The following PLXDC2 variants were observed in gnomAD, a reference collection of about 807,000 sequenced individuals.
The protein encoded by PLXDC2 is plexin domain containing 2.
In PLXDC2, 40 loss-of-function variants were observed where a neutral mutation model predicts 68.9. The observed-to-expected ratio is 0.58, with a 90% confidence interval of 0.45 to 0.76. The LOEUF (loss-of-function observed/expected upper bound fraction) is 0.76, where lower values mean the gene tolerates loss of function less well. Among genes scored for constraint, PLXDC2 ranks in the 30% least tolerant of loss-of-function variants. The probability of loss-of-function intolerance (pLI) is 0.00; values close to 1 mark genes in which losing one functional copy is unlikely to be tolerated. For missense variants in PLXDC2, 644 were observed against 661.9 expected (o/e 0.97, Z 0.30); for synonymous variants, 243 against 234.2 (o/e 1.04, Z -0.34).
At chr10:19,964,732 T>A (rs1261987650) in intron 1 of PLXDC2, among the ~76,000 whole-genome samples, 2 of 151,344 alleles carry the variant, frequency 1.3e-5, no homozygotes, top group Non-Finnish European at 2.9e-5. Context: ...GCAGGCACCA[T>A]TTGTTTTTGT....
chr10:20,009,987 G>A (rs1052535420), intron 2 of PLXDC2, among the ~76,000 whole-genome samples: 22 of 152,100 alleles, frequency 1.4e-4, no homozygotes, highest in Non-Finnish European at 2.8e-4. Context: ...TGAGATAGTG[G>A]TTAGGGGAAA....
chr10:20,204,194 G>T (rs1834959428), intron 9 of PLXDC2, among the ~76,000 whole-genome samples: 1 of 152,098 alleles, frequency 6.6e-6, no homozygotes, highest in African/African-American at 2.4e-5. Flanking sequence ...TGGGAAATGA[G>T]ATAGGATTTT....
intron 4 of PLXDC2, among the ~76,000 whole-genome samples, chr10:20,097,527 T>A (rs944384198): frequency 6.6e-6 from 1 of 152,248 alleles, no homozygotes. Flanking sequence ...CCTCCTATTA[T>A]ACCTTTTGCG....
intron 2 of PLXDC2, among the ~76,000 whole-genome samples, chr10:20,046,084 A>G (rs1485955050): frequency 2.0e-5 from 3 of 152,194 alleles, no homozygotes; most frequent in Non-Finnish European, 2.9e-5. Flanking sequence ...TTCTAGGACC[A>G]TTAGCTGAAA....
At chr10:20,123,385 T>C (rs1833726326) in intron 4 of PLXDC2, among the ~76,000 whole-genome samples, 1 of 152,136 alleles carries the variant, frequency 6.6e-6, no homozygotes, top group Non-Finnish European at 1.5e-5. Flanking sequence ...TGTAAAAGAA[T>C]GCCTGGACGT....
intron 1 of PLXDC2, among the ~76,000 whole-genome samples, chr10:20,001,331 A>C (rs1013544402): frequency 6.6e-6 from 1 of 152,214 alleles, no homozygotes; most frequent in Non-Finnish European, 1.5e-5. Context: ...GCATGAAATA[A>C]ATATGAAATA....
chr10:20,180,057 C>T (rs184451258), intron 9 of PLXDC2, among the ~76,000 whole-genome samples: 80 of 151,958 alleles, frequency 5.3e-4, no homozygotes, highest in African/African-American at 1.8e-3. Flanking sequence ...TAGTTGATAC[C>T]ACAAGAAAGT....
chr10:20,161,647 G>A (rs1463401949), intron 6 of PLXDC2, among the ~76,000 whole-genome samples: 2 of 151,790 alleles, frequency 1.3e-5, no homozygotes, highest in Non-Finnish European at 2.9e-5. Flanking sequence ...CATAAAGGAA[G>A]GGGGTGAAAG....
intron 13 of PLXDC2, among the ~76,000 whole-genome samples, chr10:20,270,313 C>T (rs1036592277): frequency 1.2e-4 from 19 of 152,116 alleles, no homozygotes; most frequent in African/African-American, 4.1e-4. Flanking sequence ...CAGTTATATT[C>T]GATTCCCAGT....
intron 12 of PLXDC2, among the ~76,000 whole-genome samples, chr10:20,242,279 A>G (rs139200103): frequency 6.2e-4 from 95 of 152,320 alleles, no homozygotes; most frequent in African/African-American, 1.8e-3. Flanking sequence ...CATAGTTTAT[A>G]TATTGTTGTG....
chr10:20,257,124 A>G (rs1203699405), intron 13 of PLXDC2, among the ~76,000 whole-genome samples: 1 of 152,182 alleles, frequency 6.6e-6, no homozygotes, highest in Non-Finnish European at 1.5e-5. Flanking sequence ...ATACCAACTC[A>G]TTGTAAAGAC....
At chr10:20,071,218 T>C (rs1836311021) in intron 4 of PLXDC2, 1 of 152,206 alleles carries the variant, frequency 6.6e-6, no homozygotes, top group African/African-American at 2.4e-5. Flanking sequence ...TGCTCTTTCT[T>C]TGTTCATTTC....
chr10:19,965,183 A>G (rs1012342661), intron 1 of PLXDC2, among the ~76,000 whole-genome samples: 1 of 152,140 alleles, frequency 6.6e-6, no homozygotes, highest in Admixed American at 6.5e-5. Context: ...AAACTAGATG[A>G]TCCATTAGAA....
intron 1 of PLXDC2, among the ~76,000 whole-genome samples, chr10:19,871,898 AAC>A (rs1491206325): frequency 5.3e-5 from 8 of 150,890 alleles, no homozygotes; most frequent in Non-Finnish European, 1.2e-4. Context: ...AAAAAAAAAA[AAC>A]ACAAAAAACT....
Position 20,110,498 on chromosome 10 carries a change from C to CT in PLXDC2, c.542-32790dup, listed in dbSNP as rs1833545384. 2.6e-5 allele frequency among the ~76,000 whole-genome samples: 4 copies of CT among 152,132 alleles called. No individual in the cohort carries two copies. The South Asian group carries it at 8.3e-4, about 32-fold the overall frequency. Reference sequence around the variant, plus strand: ...GGTAGTATTTATACTGTGGAATCCCCTTTTTTTGGAAATCACCTTCATTGA... The same window carrying CT: ...GGTAGTATTTATACTGTGGAATCCCCTTTTTTTTGGAAATCACCTTCATTGA... On this transcript the variant is annotated intron_variant, in intron 4 of 13. Coordinates refer to ENST00000377252, the MANE Select transcript of PLXDC2 (RefSeq NM_032812.9).
At chr10:19,869,468 A>AGGGGGGGG (rs555686208) in intron 1 of PLXDC2, among the ~76,000 whole-genome samples, 1 of 44,590 alleles carries the variant, frequency 2.2e-5, no homozygotes, top group Non-Finnish European at 3.7e-5. Flanking sequence ...AGAGAGAGAA[A>AGGGGGGGG]GGGGGGGGGG....
chr10:20,113,855 G>A (rs1021487681), intron 4 of PLXDC2, among the ~76,000 whole-genome samples: 1 of 152,172 alleles, frequency 6.6e-6, no homozygotes, highest in Non-Finnish European at 1.5e-5. Context: ...GCTGGGTGTG[G>A]TGTCTCATGC....
intron 1 of PLXDC2, among the ~76,000 whole-genome samples, chr10:19,867,039 A>G (rs957074254): frequency 2.1e-4 from 31 of 149,680 alleles, no homozygotes; most frequent in South Asian, 1.3e-3. Flanking sequence ...AAGAATGACA[A>G]TTGGAATTCG....
intron 13 of PLXDC2, among the ~76,000 whole-genome samples, chr10:20,273,189 C>A (rs1415301016): frequency 2.0e-5 from 3 of 152,146 alleles, no homozygotes; most frequent in Non-Finnish European, 2.9e-5. Flanking sequence ...TGGCAATATG[C>A]CCCTTTTCTT....
Sources: allele counts gnomAD v4.1 joint callset (sites outside exome capture counted in the v4.1 genomes callset), GRCh38; gene constraint gnomAD v4.1.1; transcripts MANE v1.5; gene names NCBI Gene and HGNC (gene_info 2026-07-23, HGNC 2026-07-21).